The following MICU3 variants were observed in gnomAD, a reference collection of about 807,000 sequenced individuals.
MICU3 encodes calcium uptake protein 3, mitochondrial.
MICU3 carries 62 observed loss-of-function variants against 66.5 expected under a neutral mutation model. That is an observed-to-expected ratio of 0.93 (90% CI 0.76 to 1.15). MICU3 has a LOEUF of 1.15. Among genes scored for constraint, MICU3 ranks in the 50% most tolerant of loss-of-function variants. The probability of loss-of-function intolerance (pLI) is 0.00; values close to 1 mark genes in which losing one functional copy is unlikely to be tolerated. For missense variants in MICU3, 779 were observed against 664.4 expected, an observed-to-expected ratio of 1.17 and a Z score of -1.90; for synonymous variants, 308 against 240.7, an observed-to-expected ratio of 1.28 and a Z score of -2.59.
chr8:17,088,926 T>A (rs1799756113), intron 7 of MICU3, among the ~76,000 whole-genome samples: 1 of 151,916 alleles, frequency 6.6e-6, no homozygotes, highest in South Asian at 2.1e-4. Flanking sequence ...TTAGGGAAAA[T>A]CCATCTGAAT....
At position 17,077,920 on chromosome 8, in the gene MICU3, A is replaced by G. The variant is rs901373623; in HGVS notation, c.646+59A>G. 14 of 1,017,192 alleles carry G rather than the reference A, an allele frequency of 1.4e-5. No individual in the cohort carries two copies. In the South Asian group the frequency reaches 1.9e-4, roughly 14 times the overall value. The allele number at this position is 1,017,192 out of a possible 1,614,324, so 63.0% of individuals were successfully genotyped here. A position where few individuals can be genotyped will look rare whatever the true frequency, so the allele number is the denominator to read the frequency against. Reference sequence around the variant, plus strand: ...ACTATATTATGTATACTATTTATATATGCATATTTTCCCATACCTAAAATA... The same window carrying G: ...ACTATATTATGTATACTATTTATATGTGCATATTTTCCCATACCTAAAATA... On this transcript the variant is annotated intron_variant, in intron 4 of 14. Coordinates refer to ENST00000318063, the MANE Select transcript of MICU3 (RefSeq NM_181723.3).
intron 8 of MICU3, among the ~76,000 whole-genome samples, chr8:17,093,159 A>G (rs1212981284): frequency 6.6e-6 from 1 of 152,050 alleles, no homozygotes; most frequent in Non-Finnish European, 1.5e-5. Context: ...AATAACCGTG[A>G]TTCTTTTCCT....
At chr8:17,126,034 G>GAA (rs34218751), downstream of MICU3, among the ~76,000 whole-genome samples, 3,759 of 111,682 alleles carry the variant, frequency 0.034, 150 homozygotes, top group African/African-American at 0.096. Context: ...ATCTCAAAAG[G>GAA]AAAAAAAAAA....
At position 17,077,803 on chromosome 8, in the gene MICU3, A is replaced by C; in HGVS notation, c.588A>C (p.Ala196=). The change falls in exon 4 of 15, where the codon GCA becomes GCC. Residue 196 remains alanine, a synonymous_variant. Transcript: ENST00000318063. ...CATAGGAATTAAATCAAATGCTCGC[A>C]GAAACACCACCAGTTTGGAAAGGCT... ...LSKQELNQML[A]ETPPVWKGSS... 6.2e-7 allele frequency: 1 copy of C among 1,611,738 alleles called. No individual in the cohort carries two copies. Among genetic ancestry groups the C allele is most frequent in the East Asian group, 2.2e-5 (1 of 44,738 alleles).
intron 7 of MICU3, among the ~76,000 whole-genome samples, chr8:17,089,051 TTAAAA>T (rs1799772523): frequency 6.6e-6 from 1 of 151,976 alleles, no homozygotes; most frequent in African/African-American, 2.4e-5. Flanking sequence ...AAAGAACAGA[TTAAAA>T]TAACTTTTAA....
chr8:17,070,638 GT>G (rs34903088), intron 3 of MICU3, among the ~76,000 whole-genome samples: 54,251 of 139,866 alleles, frequency 0.39, 12,176 homozygotes, highest in Non-Finnish European at 0.53. Flanking sequence ...TTATAGATAT[GT>G]TTTTTTTTTT....
At chr8:17,067,571 G>A (rs375837354) in intron 2 of MICU3, among the ~76,000 whole-genome samples, 4 of 151,854 alleles carry the variant, frequency 2.6e-5, no homozygotes, top group Admixed American at 1.3e-4. Context: ...CTGGGATTAC[G>A]GGCAGCTGCT....
intron 5 of MICU3, among the ~76,000 whole-genome samples, chr8:17,082,826 A>G (rs953307473): frequency 1.3e-5 from 2 of 152,190 alleles, no homozygotes; most frequent in African/African-American, 4.8e-5. Flanking sequence ...TTAGCGAGGA[A>G]TGACGTTAAC....
intron 4 of MICU3, among the ~76,000 whole-genome samples, 182 bp downstream of exon 4, chr8:17,078,043 A>G (rs1308388011): frequency 2.0e-5 from 3 of 151,992 alleles, no homozygotes; most frequent in Admixed American, 2.0e-4. Context: ...CTCTTGGGTA[A>G]TTCCACCCTT....
chr8:17,049,029 T>G (rs1338126009), intron 1 of MICU3, among the ~76,000 whole-genome samples: 2 of 152,198 alleles, frequency 1.3e-5, no homozygotes, highest in African/African-American at 4.8e-5. Context: ...CGGGGATGGA[T>G]AACTTACTCC....
chr8:17,032,724 T>A (rs1190831136), intron 1 of MICU3, among the ~76,000 whole-genome samples: 1 of 152,210 alleles, frequency 6.6e-6, no homozygotes, highest in Non-Finnish European at 1.5e-5. Context: ...CCGTGCTTCA[T>A]TTTCTTGTGC....
At chr8:17,060,187 C>G (rs1250218388) in intron 1 of MICU3, among the ~76,000 whole-genome samples, 5 of 152,176 alleles carry the variant, frequency 3.3e-5, no homozygotes, top group African/African-American at 1.2e-4. Context: ...GTTTCACTCT[C>G]CATCCTGTCT....
Position 17,104,122 on chromosome 8 carries a change from A to G in MICU3, c.985-269A>G, listed in dbSNP as rs999942206. 4.6e-5 allele frequency among the ~76,000 whole-genome samples: 7 copies of G among 151,984 alleles called. 1 individual carries two copies. The highest frequency in any genetic ancestry group is 1.7e-4 in the African/African-American group (7 of 41,414). On this transcript the variant is annotated intron_variant, in intron 9 of 14. Coordinates refer to ENST00000318063, the MANE Select transcript of MICU3 (RefSeq NM_181723.3). ...ATTTAAAAGATAGAATCCTATATGCATAATTTGTGATTAAACATTTCTTAA... is the reference window on the plus strand; with the variant it reads ...ATTTAAAAGATAGAATCCTATATGCGTAATTTGTGATTAAACATTTCTTAA...
intron 1 of MICU3, among the ~76,000 whole-genome samples, chr8:17,062,133 A>G (rs181772381): frequency 1.3e-5 from 2 of 152,288 alleles, no homozygotes; most frequent in East Asian, 1.9e-4. Context: ...ACACTTCTCC[A>G]TGAATATGAA....
intron 5 of MICU3, 153 bp downstream of exon 5, chr8:17,081,893 G>A: frequency 8.0e-6 from 4 of 502,938 alleles, no homozygotes; most frequent in South Asian, 2.0e-5. Context: ...GCTAAGCATA[G>A]CACTGTAAAG....
chr8:17,046,133 C>T (rs1815042363), intron 1 of MICU3, among the ~76,000 whole-genome samples: 1 of 152,050 alleles, frequency 6.6e-6, no homozygotes, highest in African/African-American at 2.4e-5. Context: ...ATCATGTGAA[C>T]CCCAGCTTGA....
intron 9 of MICU3, among the ~76,000 whole-genome samples, chr8:17,100,069 G>A (rs1563378358): frequency 2.0e-5 from 3 of 151,710 alleles, no homozygotes; most frequent in Admixed American, 2.0e-4. Flanking sequence ...AGGAGCTGTG[G>A]GCTTTTACAG....
chr8:17,057,249 A>G (rs1022037808), intron 1 of MICU3, among the ~76,000 whole-genome samples: 1 of 152,172 alleles, frequency 6.6e-6, no homozygotes, highest in Non-Finnish European at 1.5e-5. Context: ...AGCAGGAGGA[A>G]GATGTCTCAG....
chr8:17,081,976 G>A (rs1167979586), intron 5 of MICU3: 1 of 309,390 alleles, frequency 3.2e-6, no homozygotes, highest in Non-Finnish European at 6.0e-6. Context: ...AATATTACGT[G>A]TCAATTCTTG....
Sources: allele counts gnomAD v4.1 joint callset (sites outside exome capture counted in the v4.1 genomes callset), GRCh38; gene constraint gnomAD v4.1.1; transcripts MANE v1.5; gene names NCBI Gene and HGNC (gene_info 2026-07-23, HGNC 2026-07-21).